Variants in ESR1 observed in about 807,000 individuals in gnomAD.
The protein encoded by ESR1 is estrogen receptor 1.
A neutral mutation model predicts 52.7 loss-of-function variants in ESR1; 12 were observed. The observed-to-expected ratio is 0.23, with a 90% CI of 0.15 to 0.37. The LOEUF (loss-of-function observed/expected upper bound fraction) is 0.37. Ranked by LOEUF, ESR1 falls within the 10% of genes least tolerant of loss-of-function variation. ESR1 has a pLI of 1.00. For missense variants in ESR1, 584 were observed against 779.7 expected, an observed-to-expected ratio of 0.75 and a Z score of 2.99; for synonymous variants, 305 against 316.8, an observed-to-expected ratio of 0.96 and a Z score of 0.39.
intron 5 of ESR1, among the ~76,000 whole-genome samples, chr6:152,028,199 C>A (rs1411895151): frequency 6.6e-6 from 1 of 152,210 alleles, no homozygotes; most frequent in Non-Finnish European, 1.5e-5. Context: ...CAGCTCCAGT[C>A]TGCAGCTCCC....
At chr6:151,971,971 T>C (rs552933953) in intron 4 of ESR1, among the ~76,000 whole-genome samples, 1 of 152,198 alleles carries the variant, frequency 6.6e-6, no homozygotes, top group East Asian at 1.9e-4. Flanking sequence ...AAACAGGAGC[T>C]ATTATAATCA....
rs560409734 is a variant in ESR1, at chr6:151,879,022, A to G, written c.644-1633A>G. ...TCTGCATTTGGTGATGATGGAAGCC[A>G]TGGACATGCACTAGATTGTCTTGTG... On this transcript the variant is annotated intron_variant, in intron 2 of 7. Transcript: ENST00000206249. Among the ~76,000 whole-genome samples, 4 of 152,296 alleles carry G rather than the reference A, an allele frequency of 2.6e-5. No homozygotes were observed. The East Asian group carries it at 5.8e-4, about 22-fold the overall frequency.
chr6:151,871,478 A>G (rs550950838), intron 2 of ESR1, among the ~76,000 whole-genome samples: 1 of 152,128 alleles, frequency 6.6e-6, no homozygotes, highest in African/African-American at 2.4e-5. Context: ...ATCTCGGCTC[A>G]CTGCAACCTC....
At chr6:151,932,236 C>A (rs1175288232) in intron 3 of ESR1, among the ~76,000 whole-genome samples, 18 of 152,244 alleles carry the variant, frequency 1.2e-4, no homozygotes, top group Admixed American at 1.2e-3. Context: ...TGTCTGTTGG[C>A]TGCATAAATG....
chr6:151,926,934 A>G (rs559658447), intron 3 of ESR1, among the ~76,000 whole-genome samples: 1 of 152,242 alleles, frequency 6.6e-6, no homozygotes, highest in South Asian at 2.1e-4. Context: ...CCTCATCTTC[A>G]GGGGAAAGTG....
intron 1 of ESR1, among the ~76,000 whole-genome samples, chr6:151,659,494 C>CTGAGTTTCTCATAGCCTTTTACCAT (rs1777565797): frequency 6.6e-6 from 1 of 152,206 alleles, no homozygotes; most frequent in African/African-American, 2.4e-5. Flanking sequence ...CTTTTTAGCA[C>CTGAGTTTCTCATAGCCTTTTACCAT]TGAGTTTCTC....
intron 2 of ESR1, among the ~76,000 whole-genome samples, chr6:151,703,465 T>C (rs564931661): frequency 7.9e-5 from 12 of 152,144 alleles, no homozygotes; most frequent in Non-Finnish European, 1.8e-4. Context: ...GTTCTAGTTC[T>C]AATCTCTCTG....
intron 2 of ESR1, among the ~76,000 whole-genome samples, chr6:151,731,392 G>T (rs1782229920): frequency 1.3e-5 from 2 of 151,822 alleles, no homozygotes; most frequent in African/African-American, 2.4e-5. Context: ...GGGCAGATAA[G>T]TTTTTTGGGG....
chr6:151,817,231 C>T (rs2128181019), intron 1 of ESR1, among the ~76,000 whole-genome samples: 1 of 152,328 alleles, frequency 6.6e-6, no homozygotes, highest in South Asian at 2.1e-4. Flanking sequence ...TTCAGCAGTT[C>T]TGACAATTGC....
intron 2 of ESR1, among the ~76,000 whole-genome samples, chr6:151,851,532 T>TC (rs1181640269): frequency 6.7e-6 from 1 of 149,342 alleles, no homozygotes; most frequent in South Asian, 2.2e-4. Context: ...ATGAAGGAGT[T>TC]TTTTTTTTTT....
chr6:152,045,418 T>G (rs533912114), intron 5 of ESR1, among the ~76,000 whole-genome samples: 1 of 152,226 alleles, frequency 6.6e-6, no homozygotes, highest in East Asian at 1.9e-4. Flanking sequence ...TCAGATCCAC[T>G]GGTGTTAGGG....
At chr6:151,813,598 A>C (rs1457626728) in intron 1 of ESR1, 1 of 152,198 alleles carries the variant, frequency 6.6e-6, no homozygotes, top group Non-Finnish European at 1.5e-5. Context: ...TTAAGTACCT[A>C]TAATTGCTAT....
chr6:151,797,316 C>G (rs1054604626), intron 2 of ESR1, among the ~76,000 whole-genome samples: 2 of 152,176 alleles, frequency 1.3e-5, no homozygotes. Context: ...TTAGTTCAGT[C>G]GTTCTGATGT....
chr6:151,778,751 ACAACTGTGAGATTTTGAATCT>A (rs919042297), intron 2 of ESR1, among the ~76,000 whole-genome samples: 12 of 152,142 alleles, frequency 7.9e-5, no homozygotes, highest in Non-Finnish European at 1.6e-4. Flanking sequence ...TAATGCTTTG[ACAACTGTGAGATTTTGAATCT>A]CAACTGTGAG....
chr6:151,757,219 G>T (rs1365371800), intron 2 of ESR1, among the ~76,000 whole-genome samples: 1 of 137,436 alleles, frequency 7.3e-6, no homozygotes, highest in South Asian at 2.3e-4. Context: ...TGGTACTGAG[G>T]CTATTTTAAC....
intron 2 of ESR1, among the ~76,000 whole-genome samples, chr6:151,869,498 G>A (rs899332576): frequency 2.6e-5 from 4 of 152,154 alleles, no homozygotes; most frequent in African/African-American, 9.6e-5. Flanking sequence ...ACAATGAGAT[G>A]GTGGTCACTG....
intron 5 of ESR1, among the ~76,000 whole-genome samples, chr6:152,039,561 C>T (rs761042492): frequency 3.9e-5 from 6 of 152,072 alleles, no homozygotes; most frequent in Non-Finnish European, 7.4e-5. Flanking sequence ...GCCAGCAGAA[C>T]GTAATGCTGT....
At chr6:151,811,826 C>T (rs961801266) in intron 1 of ESR1, among the ~76,000 whole-genome samples, 25 of 152,232 alleles carry the variant, frequency 1.6e-4, no homozygotes, top group African/African-American at 5.1e-4. Context: ...AGCATATTTT[C>T]GGATGAAAAC....
chr6:151,713,070 G>A (rs146682204), intron 2 of ESR1, among the ~76,000 whole-genome samples: 4,554 of 152,126 alleles, frequency 0.03, 216 homozygotes, highest in African/African-American at 0.1. Flanking sequence ...TTTATTGAAG[G>A]CCTTTTTTTC....
Sources: gnomAD v4.1 joint callset for allele counts (sites outside exome capture counted in the v4.1 genomes callset) on GRCh38, gnomAD v4.1.1 for gene constraint, MANE v1.5 for transcripts, NCBI Gene and HGNC (gene_info 2026-07-23, HGNC 2026-07-21) for gene names.